Variants in NRXN1 observed in about 807,000 individuals in gnomAD.
The protein encoded by NRXN1 is neurexin 1.
In NRXN1, 39 loss-of-function variants were observed where a neutral mutation model predicts 150.9. The ratio of observed to expected loss-of-function variants is 0.26; its 90% CI spans 0.20 to 0.34. NRXN1 has a LOEUF of 0.34. NRXN1 is among the 10% of genes least tolerant of loss of function. The probability of loss-of-function intolerance (pLI) is 1.00; values close to 1 mark genes in which losing one functional copy is unlikely to be tolerated. For synonymous variants in NRXN1, 924 were observed against 757.0 expected (o/e 1.22, Z -3.62); for missense variants, 1,815 against 1,949.9 (o/e 0.93, Z 1.30).
chr2:50,391,564 T>C (rs1462296947), intron 17 of NRXN1, among the ~76,000 whole-genome samples: 1 of 152,132 alleles, frequency 6.6e-6, no homozygotes, highest in African/African-American at 2.4e-5. Flanking sequence ...TACATGATAT[T>C]GAAGCGTTGG....
At chr2:50,845,097 C>T (rs1194911095) in intron 5 of NRXN1, among the ~76,000 whole-genome samples, 1 of 152,020 alleles carries the variant, frequency 6.6e-6, no homozygotes, top group Non-Finnish European at 1.5e-5. Flanking sequence ...TTCAAGTGAT[C>T]CTCCCTCATC....
intron 21 of NRXN1, among the ~76,000 whole-genome samples, chr2:50,006,255 C>T (rs1684751055): frequency 6.6e-6 from 1 of 152,088 alleles, no homozygotes. Flanking sequence ...TTTTCATTAC[C>T]TCCTTCTTGA....
At chr2:50,592,321 T>G (rs1043689452) in intron 8 of NRXN1, among the ~76,000 whole-genome samples, 1 of 152,144 alleles carries the variant, frequency 6.6e-6, no homozygotes, top group African/African-American at 2.4e-5. Context: ...GACACCAGAG[T>G]GATCTAAACA....
At chr2:50,949,426 C>T (rs1011802331) in intron 2 of NRXN1, among the ~76,000 whole-genome samples, 3 of 151,926 alleles carry the variant, frequency 2.0e-5, no homozygotes, top group African/African-American at 7.3e-5. Flanking sequence ...CATACTCATA[C>T]TGAAACATAC....
At chr2:50,117,891 T>C (rs1703283914) in intron 18 of NRXN1, among the ~76,000 whole-genome samples, 1 of 152,150 alleles carries the variant, frequency 6.6e-6, no homozygotes, top group African/African-American at 2.4e-5. Flanking sequence ...CGGCCTCTAT[T>C]GCTGAAAAAT....
At chr2:50,484,110 A>T (rs938150327) in intron 15 of NRXN1, among the ~76,000 whole-genome samples, 1 of 152,194 alleles carries the variant, frequency 6.6e-6, no homozygotes, top group African/African-American at 2.4e-5. Context: ...AAAAAAGGTT[A>T]TAGCCACCAG....
intron 17 of NRXN1, among the ~76,000 whole-genome samples, chr2:50,319,780 A>C (rs143108792): frequency 6.6e-6 from 1 of 151,992 alleles, no homozygotes; most frequent in Admixed American, 6.6e-5. Context: ...CCTGTCAAAG[A>C]AGCTGTTTTC....
intron 5 of NRXN1, among the ~76,000 whole-genome samples, chr2:50,903,254 ATTC>A (rs1177813990): frequency 6.6e-6 from 1 of 152,154 alleles, no homozygotes; most frequent in African/African-American, 2.4e-5. Context: ...CTTTCTAGGT[ATTC>A]ACTACCAGAC....
intron 5 of NRXN1, among the ~76,000 whole-genome samples, chr2:50,647,860 C>G (rs1425352203): frequency 6.6e-6 from 1 of 151,752 alleles, no homozygotes; most frequent in African/African-American, 2.4e-5. Flanking sequence ...GAAAAATACT[C>G]CTTACATTAA....
intron 5 of NRXN1, among the ~76,000 whole-genome samples, chr2:50,819,685 T>C (rs916844826): frequency 6.6e-6 from 1 of 151,422 alleles, no homozygotes; most frequent in East Asian, 1.9e-4. Context: ...ACATGTTATG[T>C]TTTTTTTTAA....
chr2:50,913,891 G>A (rs1403277812), intron 5 of NRXN1, among the ~76,000 whole-genome samples: 1 of 151,712 alleles, frequency 6.6e-6, no homozygotes, highest in Non-Finnish European at 1.5e-5. Context: ...AATATAAACC[G>A]TGAAAACAAC....
intron 8 of NRXN1, among the ~76,000 whole-genome samples, chr2:50,605,670 G>A (rs1403501341): frequency 6.6e-6 from 1 of 152,112 alleles, no homozygotes; most frequent in East Asian, 1.9e-4. Context: ...TGGATAAACT[G>A]GAAGCTGTGT....
chr2:50,456,782 C>T (rs781144801), intron 17 of NRXN1, among the ~76,000 whole-genome samples: 1 of 151,988 alleles, frequency 6.6e-6, no homozygotes, highest in African/African-American at 2.4e-5. Flanking sequence ...CTTCATGCAT[C>T]CTCTTGTATT....
At chr2:50,750,340 G>T (rs1440438358) in intron 5 of NRXN1, among the ~76,000 whole-genome samples, 1 of 132,660 alleles carries the variant, frequency 7.5e-6, no homozygotes, top group African/African-American at 3.1e-5. Context: ...TTAGTTGTCA[G>T]TAGTCAAAAA....
chr2:50,785,577 T>C (rs1705000140), intron 5 of NRXN1, among the ~76,000 whole-genome samples: 1 of 152,102 alleles, frequency 6.6e-6, no homozygotes, highest in Non-Finnish European at 1.5e-5. Flanking sequence ...GCCACTCAGT[T>C]GGTGATACTT....
intron 14 of NRXN1, 75 bp downstream of exon 14, chr2:50,497,257 TA>T: frequency 8.7e-7 from 1 of 1,154,770 alleles, no homozygotes; most frequent in Non-Finnish European, 1.2e-6. Flanking sequence ...ATGTTCTTCT[TA>T]GTGTATATTT....
intron 17 of NRXN1, among the ~76,000 whole-genome samples, chr2:50,430,497 A>AT (rs2084878452): frequency 6.6e-6 from 1 of 152,152 alleles, no homozygotes; most frequent in Non-Finnish European, 1.5e-5. Context: ...CTGGTTTTTA[A>AT]TTTTAATTAA....
intron 2 of NRXN1, among the ~76,000 whole-genome samples, chr2:51,016,529 A>G (rs988274392): frequency 2.0e-5 from 3 of 152,212 alleles, no homozygotes; most frequent in African/African-American, 7.2e-5. Flanking sequence ...GTCATTAGAG[A>G]AATGCAAATC....
chr2:50,429,801 C>T (rs2104356338), intron 17 of NRXN1, among the ~76,000 whole-genome samples: 2 of 152,140 alleles, frequency 1.3e-5, no homozygotes, highest in South Asian at 4.1e-4. Flanking sequence ...ATCAATAGAA[C>T]TTCTATTGTG....
Sources: gnomAD v4.1 joint callset for allele counts (sites outside exome capture counted in the v4.1 genomes callset) on GRCh38, gnomAD v4.1.1 for gene constraint, MANE v1.5 for transcripts, NCBI Gene and HGNC (gene_info 2026-07-23, HGNC 2026-07-21) for gene names.